The following CCDC7 variants were observed in gnomAD, a reference collection of about 807,000 sequenced individuals.
CCDC7 encodes coiled-coil domain containing 7.
A neutral mutation model predicts 196.9 loss-of-function variants in CCDC7; 183 were observed. The ratio of observed to expected loss-of-function variants is 0.93; its 90% CI spans 0.82 to 1.05. CCDC7 has a LOEUF of 1.05. Among genes scored for constraint, CCDC7 ranks in the 50% least tolerant of loss-of-function variants. The pLI, the probability that CCDC7 is intolerant of heterozygous loss-of-function variation, is 0.00. For synonymous variants in CCDC7, 525 were observed against 484.6 expected (o/e 1.08, Z -1.10); for missense variants, 1,540 against 1,482.2 (o/e 1.04, Z -0.64).
rs1472704541 is a variant in CCDC7 at position 32,563,872 on chromosome 10, A to C, written c.1135-1686A>C. On this transcript the variant is annotated intron_variant, in intron 13 of 41. Transcript: ENST00000639629. ...ATCAGAGTGAACAGGCAACCTACAA[A>C]ATGGGAGAAAATTTTCGCAACCTAC... is the stretch of plus-strand genomic sequence containing the variant. Among the ~76,000 whole-genome samples the C allele has an allele frequency of 3.6e-4, 54 of 152,022 alleles. No individual in the cohort carries two copies. The East Asian group carries it at 9.1e-3, about 26-fold the overall frequency.
intron 13 of CCDC7, among the ~76,000 whole-genome samples, chr10:32,560,634 C>T (rs2055341423): frequency 6.6e-6 from 1 of 152,288 alleles, no homozygotes; most frequent in South Asian, 2.1e-4. Flanking sequence ...GAGATTTTGT[C>T]ACCACCAGGC....
chr10:32,564,887 G>C (rs2056517903), intron 13 of CCDC7, among the ~76,000 whole-genome samples: 1 of 152,202 alleles, frequency 6.6e-6, no homozygotes, highest in African/African-American at 2.4e-5. Context: ...TGAGGCAGGA[G>C]GATGGCTTGA....
At chr10:32,705,320 G>A (rs185009374) in intron 24 of CCDC7, among the ~76,000 whole-genome samples, 12 of 152,160 alleles carry the variant, frequency 7.9e-5, no homozygotes, top group Admixed American at 3.9e-4. Context: ...TGAAGGAAGC[G>A]CTAAACATGG....
chr10:32,557,309 G>T (rs2054530816), intron 13 of CCDC7, among the ~76,000 whole-genome samples: 2 of 146,862 alleles, frequency 1.4e-5, no homozygotes, highest in African/African-American at 2.5e-5. Flanking sequence ...TCAGCAGTTT[G>T]GCTTTGTTTT....
At chr10:32,703,973 G>C (rs1033885176) in intron 24 of CCDC7, among the ~76,000 whole-genome samples, 4 of 151,890 alleles carry the variant, frequency 2.6e-5, no homozygotes, top group African/African-American at 9.7e-5. Context: ...TCCTCCTTTA[G>C]CTCTGAGTAG....
chr10:32,623,204 C>A lies in CCDC7; in HGVS notation c.1802-11050C>A, dbSNP rs566637374. 2.6e-5 allele frequency among the ~76,000 whole-genome samples: 4 copies of A among 152,190 alleles called. No homozygotes were observed. In the South Asian group the frequency reaches 6.2e-4, roughly 24 times the overall value. ...TGTGTTATTAAATGTACCTATATTTCTTTTGTGAATTCAGGAATTCCTTTT... is the reference window on the plus strand; with the variant it reads ...TGTGTTATTAAATGTACCTATATTTATTTTGTGAATTCAGGAATTCCTTTT... On this transcript the variant is annotated intron_variant, in intron 18 of 41. Coordinates refer to ENST00000639629, the Ensembl canonical transcript of CCDC7.
chr10:32,656,206 A>G (rs1445943052), intron 20 of CCDC7, among the ~76,000 whole-genome samples: 1 of 152,240 alleles, frequency 6.6e-6, no homozygotes, highest in Non-Finnish European at 1.5e-5. Context: ...TAAAAACAGA[A>G]TTACCATCAG....
chr10:32,544,795 T>G (rs1392217810), intron 13 of CCDC7, among the ~76,000 whole-genome samples: 1 of 152,208 alleles, frequency 6.6e-6, no homozygotes, highest in Non-Finnish European at 1.5e-5. Flanking sequence ...TGTGTCTGAC[T>G]CTGGTTTGTG....
In CCDC7 at chr10:32,760,231, C is replaced by A. The variant is rs949820909; in HGVS notation, c.2906-18746C>A. Among the ~76,000 whole-genome samples, 293 of 152,088 alleles carry A rather than the reference C, an allele frequency of 1.9e-3. 1 individual carries two copies. Among genetic ancestry groups the A allele is most frequent in the Non-Finnish European group, 3.3e-3 (226 of 67,972 alleles). ...AACTAGAAATACCATTTGACCCAGC[C>A]ATCCCATTACTGGGTATATACCCAA... is the stretch of plus-strand genomic sequence containing the variant. On this transcript the variant is annotated intron_variant, in intron 28 of 41. Transcript: ENST00000639629.
In CCDC7 at chr10:32,702,507, G is replaced by A. The variant is rs550723079; in HGVS notation, c.2458+7515G>A. On this transcript the variant is annotated intron_variant, in intron 24 of 41. Coordinates refer to ENST00000639629, the Ensembl canonical transcript of CCDC7. The stretch of plus-strand genomic sequence containing the variant: ...AGAATGTATATTCTGTTGATTTGGG[G>A]TGGAGAGTTCCGTAGATGTCTATTA... Among the ~76,000 whole-genome samples the A allele has an allele frequency of 3.9e-5, 6 of 152,292 alleles. No homozygotes were observed. The South Asian group carries it at 6.2e-4, about 16-fold the overall frequency.
At chr10:32,817,185 C>T (rs926736221) in intron 31 of CCDC7, among the ~76,000 whole-genome samples, 19 of 152,018 alleles carry the variant, frequency 1.2e-4, no homozygotes, top group African/African-American at 3.4e-4. Context: ...AAGTACGCGA[C>T]GTATGCACAA....
intron 14 of CCDC7, among the ~76,000 whole-genome samples, chr10:32,567,025 C>T (rs1297227895): frequency 1.4e-5 from 2 of 143,548 alleles, no homozygotes; most frequent in African/African-American, 2.6e-5. Flanking sequence ...TTCCCTCTAA[C>T]CTTTCTAATA....
chr10:32,554,566 T>C (rs898896104), intron 13 of CCDC7, among the ~76,000 whole-genome samples: 1 of 152,212 alleles, frequency 6.6e-6, no homozygotes, highest in Non-Finnish European at 1.5e-5. Flanking sequence ...CAGAAACTTT[T>C]CCAACAAACA....
At chr10:32,564,375 A>G (rs941110772) in intron 13 of CCDC7, among the ~76,000 whole-genome samples, 2 of 152,168 alleles carry the variant, frequency 1.3e-5, no homozygotes, top group Admixed American at 1.3e-4. Context: ...GGCACTATTC[A>G]CAATAGCAGA....
chr10:32,539,507 G>T (rs1269601745), intron 11 of CCDC7, among the ~76,000 whole-genome samples: 1 of 150,304 alleles, frequency 6.7e-6, no homozygotes, highest in African/African-American at 2.5e-5. Context: ...TATTTTTTTT[G>T]TATCTCAATT....
chr10:32,661,555 T>C (rs886757181), intron 20 of CCDC7, among the ~76,000 whole-genome samples: 133 of 152,242 alleles, frequency 8.7e-4, no homozygotes, highest in African/African-American at 3.2e-3. Context: ...ATCTTGCTGC[T>C]GATTATTCAG....
chr10:32,624,335 C>G (rs562998390), intron 18 of CCDC7, among the ~76,000 whole-genome samples: 1 of 152,262 alleles, frequency 6.6e-6, no homozygotes, highest in African/African-American at 2.4e-5. Flanking sequence ...TCTCTCCAAC[C>G]ACTTTCCAAA....
intron 6 of CCDC7, 136 bp downstream of exon 7, chr10:32,471,366 T>C: frequency 9.6e-7 from 1 of 1,045,070 alleles, no homozygotes; most frequent in Non-Finnish European, 1.3e-6. Context: ...AGTCAGCTTG[T>C]TTCTATTTGC....
intron 5 of CCDC7, among the ~76,000 whole-genome samples, chr10:32,466,340 A>T (rs1056926675): frequency 6.7e-6 from 1 of 150,024 alleles, no homozygotes; most frequent in South Asian, 2.1e-4. Flanking sequence ...CATGTCACAG[A>T]TATTTGTTGT....
Sources: gnomAD v4.1 joint callset for allele counts (sites outside exome capture counted in the v4.1 genomes callset) on GRCh38, gnomAD v4.1.1 for gene constraint, MANE v1.5 for transcripts, NCBI Gene and HGNC (gene_info 2026-07-23, HGNC 2026-07-21) for gene names.